ABCC4: variants seen among roughly 807,000 people sequenced by gnomAD.
ABCC4 encodes ATP-binding cassette sub-family C member 4.
ABCC4 carries 102 observed loss-of-function variants against 168.5 expected under a neutral mutation model. The observed-to-expected ratio is 0.61, with a 90% CI of 0.52 to 0.71. The LOEUF (loss-of-function observed/expected upper bound fraction) is 0.71. Ranked by LOEUF, ABCC4 falls within the 30% of genes least tolerant of loss-of-function variation. The pLI is 0.00. For missense variants in ABCC4, 1,402 were observed against 1,605.8 expected (o/e 0.87, Z 2.17); for synonymous variants, 617 against 590.7 (o/e 1.04, Z -0.65).
chr13:95,030,166 A>T (rs960165389), intron 30 of ABCC4, among the ~76,000 whole-genome samples: 1 of 152,104 alleles, frequency 6.6e-6, no homozygotes, highest in African/African-American at 2.4e-5. Context: ...GATTACAAGC[A>T]TGCGCCACCA....
intron 4 of ABCC4, among the ~76,000 whole-genome samples, chr13:95,230,384 C>A (rs775040721): frequency 6.6e-6 from 1 of 152,202 alleles, no homozygotes; most frequent in African/African-American, 2.4e-5. Flanking sequence ...GGTGTGGCCA[C>A]TGTGAAAAAC....
chr13:95,215,055 A>T (rs535535326), intron 4 of ABCC4, among the ~76,000 whole-genome samples: 1 of 152,336 alleles, frequency 6.6e-6, no homozygotes, highest in East Asian at 1.9e-4. Context: ...TCAAGCTATA[A>T]GGAGATGGTA....
chr13:95,041,306 T>TC (rs1156645481), intron 29 of ABCC4, among the ~76,000 whole-genome samples: 12 of 152,234 alleles, frequency 7.9e-5, no homozygotes, highest in African/African-American at 2.7e-4. Flanking sequence ...CAAAACTGGG[T>TC]AAATCCCTTT....
chr13:95,277,947 A>G (rs1286021530), intron 1 of ABCC4, among the ~76,000 whole-genome samples: 2 of 152,142 alleles, frequency 1.3e-5, no homozygotes, highest in African/African-American at 4.8e-5. Flanking sequence ...TGCACCTTCA[A>G]TTGACTTATG....
chr13:95,254,541 T>C (rs2040347820), intron 1 of ABCC4, among the ~76,000 whole-genome samples: 1 of 152,190 alleles, frequency 6.6e-6, no homozygotes, highest in East Asian at 1.9e-4. Context: ...CCTCCCAGGC[T>C]TCTCCCTCTC....
chr13:95,301,391 C>T lies in ABCC4; in HGVS notation c.-77G>A. On this transcript the variant is annotated 5_prime_UTR_variant, in exon 1 of 31. Coordinates refer to ENST00000645237, the MANE Select transcript of ABCC4 (RefSeq NM_005845.5). ...GGCCGCGGGCTCCGCTCCTGGACCT[C>T]AAGCAGGGATGCTGGGGCTCCGGCC... 2 of 1,323,538 alleles carry T rather than the reference C, an allele frequency of 1.5e-6. No homozygotes were observed. The highest frequency in any genetic ancestry group is 2.0e-6 in the Non-Finnish European group (2 of 976,116). 82.0% of individuals were successfully genotyped at this position (1,323,538 alleles called of 1,614,324 possible).
chr13:95,054,690 GAGA>G (rs2139268478), intron 26 of ABCC4, among the ~76,000 whole-genome samples: 1 of 152,338 alleles, frequency 6.6e-6, no homozygotes, highest in East Asian at 1.9e-4. Flanking sequence ...GTGGGAACAA[GAGA>G]AGGTGAGACT....
At chr13:95,064,206 C>T (rs1171082884) in intron 25 of ABCC4, among the ~76,000 whole-genome samples, 2 of 143,328 alleles carry the variant, frequency 1.4e-5, no homozygotes, top group Non-Finnish European at 3.0e-5. Context: ...CTAGTTTATA[C>T]TTTATAGGTG....
At chr13:95,294,997 G>A (rs2041492095) in intron 1 of ABCC4, among the ~76,000 whole-genome samples, 1 of 151,890 alleles carries the variant, frequency 6.6e-6, no homozygotes, top group African/African-American at 2.4e-5. Context: ...TAAAAATAAG[G>A]CACTCAAATG....
chr13:95,063,641 C>G (rs1399733749), intron 25 of ABCC4, among the ~76,000 whole-genome samples: 2 of 152,194 alleles, frequency 1.3e-5, no homozygotes, highest in Non-Finnish European at 2.9e-5. Flanking sequence ...TTAATACTTA[C>G]AATTGCCCCT....
At chr13:95,039,912 G>A (rs1480463469) in intron 29 of ABCC4, among the ~76,000 whole-genome samples, 1 of 152,166 alleles carries the variant, frequency 6.6e-6, no homozygotes, top group Non-Finnish European at 1.5e-5. Context: ...GCAATACAGA[G>A]AAACCCCACT....
At chr13:95,154,938 A>T (rs2036807504) in intron 19 of ABCC4, among the ~76,000 whole-genome samples, 1 of 152,198 alleles carries the variant, frequency 6.6e-6, no homozygotes, top group Non-Finnish European at 1.5e-5. Flanking sequence ...TTTCTTCTTT[A>T]TTGATGACTC....
At chr13:95,283,952 C>T (rs1349654086) in intron 1 of ABCC4, among the ~76,000 whole-genome samples, 2 of 151,688 alleles carry the variant, frequency 1.3e-5, no homozygotes, top group Non-Finnish European at 2.9e-5. Flanking sequence ...GTAATCCCAG[C>T]ACTTTGGGAG....
At chr13:95,089,415 T>C (rs927910815) in intron 20 of ABCC4, among the ~76,000 whole-genome samples, 3 of 152,054 alleles carry the variant, frequency 2.0e-5, no homozygotes, top group Non-Finnish European at 2.9e-5. Context: ...GTCAGGAGTT[T>C]GAGACCAGCC....
At chr13:95,225,527 G>A (rs553701293) in intron 4 of ABCC4, among the ~76,000 whole-genome samples, 35 of 151,980 alleles carry the variant, frequency 2.3e-4, no homozygotes, top group Non-Finnish European at 3.8e-4. Context: ...AAAATTAGTC[G>A]GGTGCAGTGG....
chr13:95,275,240 T>C (rs6492775), intron 1 of ABCC4, among the ~76,000 whole-genome samples: 150,083 of 152,306 alleles, frequency 0.99, 73,988 homozygotes, highest in East Asian at 1. Context: ...TTGGCCATCA[T>C]GCTGTGATTT....
At chr13:95,071,935 T>G (rs2033740433) in intron 24 of ABCC4, 82 bp from the exon 25 acceptor site, 1 of 1,082,900 alleles carries the variant, frequency 9.2e-7, no homozygotes, top group African/African-American at 1.6e-5. Flanking sequence ...TGAAATGTTC[T>G]TCTTTCATAC....
At chr13:95,256,589 C>G (rs1030441170) in intron 1 of ABCC4, among the ~76,000 whole-genome samples, 3 of 152,016 alleles carry the variant, frequency 2.0e-5, no homozygotes, top group Admixed American at 6.6e-5. Flanking sequence ...AACCCTGTCT[C>G]GACAAAAACA....
In ABCC4 at chr13:95,163,167, C is replaced by T; in HGVS notation, c.2263G>A (p.Val755Ile). ...LNVTVNGGGN[V>I]TEKLDLNWYL... ...CAGTTAAGATCTAGCTTCTCGGTTA[C>T]ATTTCCTCCTCCATTTACAGTGACA... Residue 755 changes from valine to isoleucine, a missense_variant, in exon 18 of 31, where the codon GTA (valine) becomes ATA (isoleucine). Coordinates refer to ENST00000645237, the MANE Select transcript of ABCC4 (RefSeq NM_005845.5). 4 of 1,613,596 alleles carry T rather than the reference C, an allele frequency of 2.5e-6. No homozygotes were observed. Among genetic ancestry groups the T allele is most frequent in the Non-Finnish European group, 3.4e-6 (4 of 1,179,680 alleles).
Sources: gnomAD v4.1 joint callset for allele counts (sites outside exome capture counted in the v4.1 genomes callset) on GRCh38, gnomAD v4.1.1 for gene constraint, MANE v1.5 for transcripts, NCBI Gene and HGNC (gene_info 2026-07-23, HGNC 2026-07-21) for gene names.